MAGI1: variants seen among roughly 807,000 people sequenced by gnomAD.
MAGI1 encodes the protein membrane associated guanylate kinase, WW and PDZ domain containing 1, also known as membrane-associated guanylate kinase, WW and PDZ domain-containing protein 1.
A neutral mutation model predicts 139.9 loss-of-function variants in MAGI1; 58 were observed. That is an observed-to-expected ratio of 0.41 (90% CI 0.34 to 0.52). The LOEUF is 0.52. Ranked by LOEUF, MAGI1 falls within the 20% of genes least tolerant of loss-of-function variation. MAGI1 has a pLI of 0.12. For synonymous variants in MAGI1, 812 were observed against 737.9 expected (o/e 1.10, Z -1.63); for missense variants, 1,874 against 1,901.6 (o/e 0.99, Z 0.27).
At chr3:65,949,860 G>A (rs956119183) in intron 1 of MAGI1, among the ~76,000 whole-genome samples, 11 of 151,996 alleles carry the variant, frequency 7.2e-5, no homozygotes, top group Admixed American at 3.9e-4. Flanking sequence ...ACCAGCCTGC[G>A]CAACATGGCG....
chr3:65,723,802 T>C (rs1219790127), intron 1 of MAGI1, among the ~76,000 whole-genome samples: 1 of 152,222 alleles, frequency 6.6e-6, no homozygotes, highest in Non-Finnish European at 1.5e-5. Flanking sequence ...GAACTTATGC[T>C]AAAGTGAGAG....
intron 1 of MAGI1, among the ~76,000 whole-genome samples, chr3:65,819,350 T>C (rs2041803315): frequency 6.6e-6 from 1 of 152,112 alleles, no homozygotes; most frequent in Non-Finnish European, 1.5e-5. Flanking sequence ...AGCAACAGAA[T>C]ATGCGATTTT....
intron 12 of MAGI1, among the ~76,000 whole-genome samples, chr3:65,403,950 T>C (rs571054171): frequency 1.8e-4 from 27 of 152,334 alleles, no homozygotes; most frequent in African/African-American, 6.5e-4. Flanking sequence ...GAATGAGCTA[T>C]CTCTACAGGT....
At position 65,578,622 on chromosome 3, in the gene MAGI1, T is replaced by G. The variant is rs73132717; in HGVS notation, c.430+43350A>C. Among the ~76,000 whole-genome samples the G allele has an allele frequency of 1.8e-4, 27 of 152,220 alleles. 1 individual carries two copies. In the South Asian group the frequency reaches 2.7e-3, roughly 15 times the overall value. On this transcript the variant is annotated intron_variant, in intron 2 of 22. Coordinates refer to ENST00000402939, the MANE Select transcript of MAGI1 (RefSeq NM_001033057.2). ...ATCTTCATGGGTCCAAGTCTCTCAATGAGAACAGATATTCAGGCCGGATGC... is the reference window on the plus strand; with the variant it reads ...ATCTTCATGGGTCCAAGTCTCTCAAGGAGAACAGATATTCAGGCCGGATGC...
At position 65,576,620 on chromosome 3, in the gene MAGI1, C is replaced by T. The variant is rs529971611; in HGVS notation, c.430+45352G>A. Among the ~76,000 whole-genome samples the T allele has an allele frequency of 3.9e-5, 6 of 152,194 alleles. No homozygotes were observed. The South Asian group carries it at 8.3e-4, about 21-fold the overall frequency. On this transcript the variant is annotated intron_variant, in intron 2 of 22. Coordinates refer to ENST00000402939, the MANE Select transcript of MAGI1 (RefSeq NM_001033057.2). The stretch of plus-strand genomic sequence containing the variant: ...CTTTGCTTAAATCAAGAAAAATGGG[C>T]GTTGTACTGCTATCTGCATTTTGTC...
At chr3:65,996,756 C>T (rs1487657948) in intron 1 of MAGI1, among the ~76,000 whole-genome samples, 2 of 152,232 alleles carry the variant, frequency 1.3e-5, no homozygotes, top group African/African-American at 4.8e-5. Context: ...CAGCTGGGAC[C>T]ATCGGAGGGC....
intron 1 of MAGI1, among the ~76,000 whole-genome samples, chr3:65,824,439 C>T (rs1406064801): frequency 1.3e-5 from 2 of 152,112 alleles, no homozygotes; most frequent in African/African-American, 4.8e-5. Context: ...AAACGAGGGG[C>T]CCAGCAGGTA....
chr3:65,371,528 T>C (rs1941991836), intron 18 of MAGI1, among the ~76,000 whole-genome samples: 1 of 152,210 alleles, frequency 6.6e-6, no homozygotes, highest in Admixed American at 6.5e-5. Context: ...AGGGTGGTGG[T>C]TGCTGAAGGT....
chr3:65,624,901 C>G (rs2083882756), intron 1 of MAGI1, among the ~76,000 whole-genome samples: 2 of 152,098 alleles, frequency 1.3e-5, no homozygotes, highest in African/African-American at 4.8e-5. Flanking sequence ...AAGATGGAGT[C>G]TCATTCTGTT....
chr3:65,641,244 C>T (rs745362248), intron 1 of MAGI1, among the ~76,000 whole-genome samples: 116 of 152,134 alleles, frequency 7.6e-4, no homozygotes, highest in Non-Finnish European at 2.1e-4. Context: ...AATGTTCTAA[C>T]GACAAGGCAT....
rs890970311 is a variant in MAGI1 at position 65,356,430 on chromosome 3, G to A, written c.4337C>T (p.Pro1446Leu). 4 of 1,609,550 alleles carry A rather than the reference G, an allele frequency of 2.5e-6. No individual in the cohort carries two copies. The highest frequency in any genetic ancestry group is 1.7e-4 in the Middle Eastern group (1 of 6,036). ...QDAGRSSRHP[P>L]EQRRRPYKEC... Reference sequence around the variant, plus strand: ...TTTGTAAGGTCGCCTTCTCTGCTCCGGGGGATGTCTGGAACTTCTGCCGGC... The same window carrying A: ...TTTGTAAGGTCGCCTTCTCTGCTCCAGGGGATGTCTGGAACTTCTGCCGGC... Residue 1446 changes from proline (P) to leucine (L), a missense_variant, in exon 23 of 23, where the codon CCG becomes CTG. Physicochemically the swap from Pro to Leu is moderately conservative, Grantham distance 98. This residue lies in a region of MAGI1 where 653 missense variants were observed against 644.5 expected (regional missense o/e 1.01). Transcript: ENST00000402939.
intron 13 of MAGI1, among the ~76,000 whole-genome samples, chr3:65,394,678 A>T (rs1393577905): frequency 2.2e-5 from 1 of 45,314 alleles, no homozygotes; most frequent in African/African-American, 7.2e-5. Flanking sequence ...GGGAGTTCAA[A>T]GTAATTTTTT....
chr3:65,437,194 G>A lies in MAGI1; in HGVS notation c.1324C>T (p.Pro442Ser). ...LVPPVIPNHPPSNPEPAREVP... is the reference protein window; with the variant it reads ...LVPPVIPNHPSSNPEPAREVP... ...TCTCTGGCTGGCTCTGGATTGCTTG[G>A]AGGGTGGTTTGGAATAACAGGAGGC... Residue 442 changes from proline (P) to serine (S), a missense_variant, in exon 10 of 23, where the codon CCA becomes TCA. Around this residue, in one of 5 missense-constraint regions of MAGI1, gnomAD observed 648 missense variants for 598.1 expected, o/e 1.08. Transcript: ENST00000402939. The A allele has an allele frequency of 6.2e-7, 1 of 1,612,470 alleles. No individual in the cohort carries two copies. The highest frequency in any genetic ancestry group is 8.5e-7 in the Non-Finnish European group (1 of 1,178,688).
chr3:65,856,106 G>A (rs2059370638), intron 1 of MAGI1, among the ~76,000 whole-genome samples: 1 of 152,092 alleles, frequency 6.6e-6, no homozygotes, highest in African/African-American at 2.4e-5. Flanking sequence ...TGAGGGACTG[G>A]GTGGGAGGAG....
chr3:65,765,250 C>A (rs114766780), intron 1 of MAGI1, among the ~76,000 whole-genome samples: 707 of 152,294 alleles, frequency 4.6e-3, no homozygotes, highest in Middle Eastern at 0.017. Flanking sequence ...ACTTATAGGT[C>A]TGGTTTTGGG....
intron 1 of MAGI1, among the ~76,000 whole-genome samples, chr3:65,800,501 CAT>C (rs1007379278): frequency 6.6e-5 from 10 of 152,074 alleles, no homozygotes; most frequent in African/African-American, 2.4e-4. Flanking sequence ...TGTCCAGTCT[CAT>C]AGTCTTTATA....
At chr3:65,498,059 C>T (rs185199061) in intron 2 of MAGI1, among the ~76,000 whole-genome samples, 7 of 152,170 alleles carry the variant, frequency 4.6e-5, no homozygotes, top group Admixed American at 3.9e-4. Flanking sequence ...AGAAAAGGAC[C>T]GAGGGAGGGG....
intron 1 of MAGI1, among the ~76,000 whole-genome samples, chr3:65,859,998 C>G (rs1199690557): frequency 6.6e-6 from 1 of 151,578 alleles, no homozygotes; most frequent in East Asian, 2.0e-4. Context: ...GGGGTTCAAG[C>G]GATTCTCCTG....
intron 2 of MAGI1, among the ~76,000 whole-genome samples, chr3:65,571,607 T>C (rs1009681308): frequency 2.0e-5 from 3 of 151,916 alleles, no homozygotes; most frequent in African/African-American, 7.3e-5. Context: ...GAGTAATTTA[T>C]TACACTTTGT....
Sources: gnomAD v4.1 joint callset for allele counts (sites outside exome capture counted in the v4.1 genomes callset) on GRCh38, gnomAD v4.1.1 for gene constraint, gnomAD v4.1.1 regional missense constraint, MANE v1.5 for transcripts, NCBI Gene and HGNC (gene_info 2026-07-23, HGNC 2026-07-21) for gene names.